HSPA4L: variants seen among roughly 807,000 people sequenced by gnomAD.
HSPA4L encodes heat shock protein family A (Hsp70) member 4 like.
In HSPA4L, 48 loss-of-function variants were observed where a neutral mutation model predicts 100.3. The observed-to-expected ratio is 0.48, with a 90% CI of 0.38 to 0.61. The LOEUF is 0.61. Among genes scored for constraint, HSPA4L ranks in the 20% least tolerant of loss-of-function variants. The pLI is 0.00. For synonymous variants in HSPA4L, 319 were observed against 328.2 expected, an observed-to-expected ratio of 0.97 and a Z score of 0.30; for missense variants, 886 against 988.6, an observed-to-expected ratio of 0.90 and a Z score of 1.39.
At chr4:127,804,647 A>T (rs968898432) in intron 8 of HSPA4L, among the ~76,000 whole-genome samples, 19 of 145,802 alleles carry the variant, frequency 1.3e-4, no homozygotes, top group African/African-American at 2.5e-4. Flanking sequence ...ACACACACAC[A>T]CTCATGCTAG....
rs764992041 is a variant in HSPA4L at position 127,802,677 on chromosome 4, G to A, written c.663+759G>A. On this transcript the variant is annotated intron_variant, in intron 6 of 18. Transcript: ENST00000296464. ...AATACGATTTTTAGATCACAGACCC[G>A]TTTGAAAATCTGATCAAGGCTATAG... is the stretch of plus-strand genomic sequence containing the variant. Among the ~76,000 whole-genome samples the A allele has an allele frequency of 1.5e-4, 23 of 152,140 alleles. 1 individual carries two copies. Among genetic ancestry groups the A allele is most frequent in the Middle Eastern group, 3.4e-3 (1 of 294 alleles).
chr4:127,829,340 C>G lies in HSPA4L; in HGVS notation c.2167-1298C>G, dbSNP rs1734023541. On this transcript the variant is annotated intron_variant, in intron 17 of 18. Coordinates refer to ENST00000296464, the MANE Select transcript of HSPA4L (RefSeq NM_014278.4). ...CCCTTGTAAAAGTTTGGGTTTTACTCTGAGATAGGAAGCTGTTGGAGGTTT... is the reference window on the plus strand; with the variant it reads ...CCCTTGTAAAAGTTTGGGTTTTACTGTGAGATAGGAAGCTGTTGGAGGTTT... 2.7e-5 allele frequency among the ~76,000 whole-genome samples: 4 copies of G among 150,832 alleles called. No individual in the cohort carries two copies. The South Asian group carries it at 8.4e-4, about 32-fold the overall frequency.
chr4:127,818,552 C>A, intron 13 of HSPA4L, 132 bp downstream of exon 13: 1 of 503,782 alleles, frequency 2.0e-6, no homozygotes, highest in Non-Finnish European at 3.5e-6. Flanking sequence ...AGCTGATAGC[C>A]AGAATAAATA....
At chr4:127,798,284 T>G (rs1733079424) in intron 3 of HSPA4L, among the ~76,000 whole-genome samples, 1 of 152,164 alleles carries the variant, frequency 6.6e-6, no homozygotes. Context: ...CTGTGTCACA[T>G]TTGGAAAATG....
intron 8 of HSPA4L, among the ~76,000 whole-genome samples, chr4:127,804,608 A>AACACACACAC (rs56013070): frequency 1.2e-3 from 180 of 144,404 alleles, no homozygotes; most frequent in African/African-American, 4.1e-3. Context: ...TCTGTCTCAA[A>AACACACACAC]ACACACACAC....
chr4:127,816,669 G>A (rs568560640), intron 12 of HSPA4L, among the ~76,000 whole-genome samples: 1 of 152,246 alleles, frequency 6.6e-6, no homozygotes, highest in South Asian at 2.1e-4. Flanking sequence ...AAACACTAGA[G>A]GCTATATTAG....
chr4:127,792,204 T>C (rs956656840), intron 1 of HSPA4L, among the ~76,000 whole-genome samples: 2 of 152,186 alleles, frequency 1.3e-5, no homozygotes, highest in African/African-American at 2.4e-5. Flanking sequence ...ATTAACTGAA[T>C]AAATTTTAAG....
At chr4:127,819,247 T>C (rs1733749627) in intron 13 of HSPA4L, among the ~76,000 whole-genome samples, 1 of 152,162 alleles carries the variant, frequency 6.6e-6, no homozygotes, top group African/African-American at 2.4e-5. Context: ...AAGATAGTGA[T>C]TGCCAATAAG....
At chr4:127,789,403 T>C (rs950771607) in intron 1 of HSPA4L, among the ~76,000 whole-genome samples, 1 of 152,096 alleles carries the variant, frequency 6.6e-6, no homozygotes, top group Admixed American at 6.6e-5. Context: ...TCCCAGCACT[T>C]TGGGAGGCTG....
chr4:127,798,367 T>C (rs1733081385), intron 3 of HSPA4L, among the ~76,000 whole-genome samples: 1 of 152,166 alleles, frequency 6.6e-6, no homozygotes, highest in Non-Finnish European at 1.5e-5. Context: ...AATACTTTGG[T>C]TATAATACTG....
chr4:127,792,588 C>A (rs1289613671), intron 1 of HSPA4L, among the ~76,000 whole-genome samples: 3 of 152,172 alleles, frequency 2.0e-5, no homozygotes, highest in African/African-American at 7.2e-5. Flanking sequence ...TGTACTAGCA[C>A]CACATGGCTT....
chr4:127,829,571 A>T (rs985747995), intron 17 of HSPA4L, among the ~76,000 whole-genome samples: 1 of 152,184 alleles, frequency 6.6e-6, no homozygotes, highest in African/African-American at 2.4e-5. Context: ...TTTGATGTAA[A>T]TCTATCACAA....
chr4:127,806,671 G>A lies in HSPA4L; in HGVS notation c.1244+878G>A, dbSNP rs1733367574. 2.0e-5 allele frequency among the ~76,000 whole-genome samples: 3 copies of A among 151,794 alleles called. No individual in the cohort carries two copies. In the East Asian group the frequency reaches 5.8e-4, roughly 29 times the overall value. On this transcript the variant is annotated intron_variant, in intron 10 of 18. Transcript: ENST00000296464. ...TTTTCCATGAACTGCCCAGGATTTA[G>A]GTAGCCTGCTTCCCTACCAGAATCA... is the stretch of plus-strand genomic sequence containing the variant.
At chr4:127,829,971 A>T (rs558880417) in intron 17 of HSPA4L, among the ~76,000 whole-genome samples, 1 of 151,508 alleles carries the variant, frequency 6.6e-6, no homozygotes, top group Admixed American at 6.6e-5. Context: ...TGGGTTTTCC[A>T]TTTGTTTGTT....
At chr4:127,792,582 C>G (rs1391295428) in intron 1 of HSPA4L, among the ~76,000 whole-genome samples, 1 of 152,192 alleles carries the variant, frequency 6.6e-6, no homozygotes, top group Non-Finnish European at 1.5e-5. Context: ...TGAAATTGTA[C>G]TAGCACCACA....
rs1175263795 is a variant in HSPA4L at position 127,837,274 on chromosome 4, T to A, written c.*4400T>A. The A allele has an allele frequency of 1.3e-5, 2 of 152,214 alleles. No individual in the cohort carries two copies. The highest frequency in any genetic ancestry group is 1.9e-4 in the East Asian group (1 of 5,198). 9.4% of individuals were successfully genotyped at this position (152,214 alleles called of 1,614,324 possible). On this transcript the variant is annotated 3_prime_UTR_variant, in exon 19 of 19. Transcript: ENST00000296464. ...CAAAAATTTTTGCTTTTAAAGTTAATGTTATTTTGTGGTTAAACTTCTAAA... is the reference window on the plus strand; with the variant it reads ...CAAAAATTTTTGCTTTTAAAGTTAAAGTTATTTTGTGGTTAAACTTCTAAA...
intron 11 of HSPA4L, chr4:127,809,507 T>C (rs1733467120): frequency 3.2e-6 from 3 of 927,430 alleles, no homozygotes; most frequent in African/African-American, 1.6e-5. Context: ...AAAGAGACTT[T>C]GTAATATCAA....
chr4:127,840,516 T>C lies in HSPA4L; in HGVS notation c.*7642T>C, dbSNP rs867827536. On this transcript the variant is annotated 3_prime_UTR_variant, in exon 19 of 19. Transcript: ENST00000296464. ...GGTTTATGATCTTAAGTTGGTAACA[T>C]AGGAATATGTATTTGTCAATTTTAG... 3.9e-5 allele frequency: 6 copies of C among 152,184 alleles called. No individual in the cohort carries two copies. Among genetic ancestry groups the C allele is most frequent in the Non-Finnish European group, 5.9e-5 (4 of 68,032 alleles). 9.4% of individuals were successfully genotyped at this position (152,184 alleles called of 1,614,324 possible). A position where few individuals can be genotyped will look rare whatever the true frequency, so the allele number is the denominator to read the frequency against.
chr4:127,817,354 A>T (rs553049211), intron 12 of HSPA4L, among the ~76,000 whole-genome samples: 1 of 152,314 alleles, frequency 6.6e-6, no homozygotes, highest in South Asian at 2.1e-4. Context: ...ACTACAAAAA[A>T]AAAAAATTAG....
Sources: allele counts gnomAD v4.1 joint callset (sites outside exome capture counted in the v4.1 genomes callset), GRCh38; gene constraint gnomAD v4.1.1; transcripts MANE v1.5; gene names NCBI Gene and HGNC (gene_info 2026-07-23, HGNC 2026-07-21).